The following HYDIN variants were observed in gnomAD, a reference collection of about 807,000 sequenced individuals.
HYDIN encodes HYDIN axonemal central pair apparatus protein, also known as axonemal central pair apparatus protein HYDIN.
HYDIN carries 132 observed loss-of-function variants against 403.9 expected under a neutral mutation model. The ratio of observed to expected loss-of-function variants is 0.33; its 90% CI spans 0.28 to 0.38. HYDIN has a LOEUF of 0.38. HYDIN is among the 10% of genes least tolerant of loss of function. The probability of loss-of-function intolerance (pLI) is 1.00; values close to 1 mark genes in which losing one functional copy is unlikely to be tolerated. For synonymous variants in HYDIN, 1,202 were observed against 1,891.7 expected (o/e 0.64, Z 9.46); for missense variants, 2,827 against 5,009.5 (o/e 0.56, Z 13.15).
At position 70,839,935 on chromosome 16, in the gene HYDIN, C is replaced by T. The variant is rs2037700556; in HGVS notation, c.13043+129G>A. 5.1e-6 allele frequency: 3 copies of T among 592,492 alleles called. No individual in the cohort carries two copies. The Admixed American group carries it at 9.1e-5, about 18-fold the overall frequency. The allele number at this position is 592,492 out of a possible 1,614,324, so 36.7% of individuals were successfully genotyped here. A position where few individuals can be genotyped will look rare whatever the true frequency, so the allele number is the denominator to read the frequency against. ...GGGACAGGGACCTAGGATTCATACC[C>T]ACTTTTGTTTGACTCTTTCCCATAA... On this transcript the variant is annotated intron_variant, in intron 76 of 85. Coordinates refer to ENST00000393567, the MANE Select transcript of HYDIN (RefSeq NM_001270974.2).
At chr16:71,125,565 AG>A (rs1024413698) in intron 9 of HYDIN, among the ~76,000 whole-genome samples, 1 of 152,078 alleles carries the variant, frequency 6.6e-6, no homozygotes, top group Non-Finnish European at 1.5e-5. Flanking sequence ...ACTGAAGCCA[AG>A]GAAGATCAAA....
chr16:71,205,877 G>C (rs2088272125), intron 1 of HYDIN, among the ~76,000 whole-genome samples: 1 of 152,182 alleles, frequency 6.6e-6, no homozygotes, highest in Non-Finnish European at 1.5e-5. Flanking sequence ...GCTTCTGTGT[G>C]AACTCAGCTA....
chr16:70,867,134 T>A, intron 66 of HYDIN, among the ~76,000 whole-genome samples: 1 of 134,496 alleles, frequency 7.4e-6, no homozygotes, highest in African/African-American at 2.8e-5. Flanking sequence ...TCACACAAAA[T>A]ATAAGTATCA....
chr16:71,085,571 AT>A (rs2082908677), intron 12 of HYDIN, among the ~76,000 whole-genome samples: 1 of 151,944 alleles, frequency 6.6e-6, no homozygotes, highest in Non-Finnish European at 1.5e-5. Flanking sequence ...ATCCCCTACT[AT>A]TTTGCTGAAT....
rs1345831845 is a variant in HYDIN, at chr16:71,130,548, C to T, written c.1044-725G>A. ...CAGGCCGGACTGCGGACTGCAGTGG[C>T]GCAATCTCGGCTCACTGCAAGCTCC... is the stretch of plus-strand genomic sequence containing the variant. On this transcript the variant is annotated intron_variant, in intron 8 of 85. Coordinates refer to ENST00000393567, the MANE Select transcript of HYDIN (RefSeq NM_001270974.2). 8.5e-5 allele frequency among the ~76,000 whole-genome samples: 11 copies of T among 130,106 alleles called. No homozygotes were observed. The East Asian group carries it at 2.3e-3, about 27-fold the overall frequency. The allele number at this position is 130,106 out of a possible 152,430, so 85.4% of individuals were successfully genotyped here.
In HYDIN at chr16:70,920,571, C is replaced by A. The variant is rs771449201; in HGVS notation, c.7785+20G>T. Reference sequence around the variant, plus strand: ...TGCTGCCTGACTTGAGACTTCCCCACCCTGGAGGAGAGTCCATACCTGCTC... The same window carrying A: ...TGCTGCCTGACTTGAGACTTCCCCAACCTGGAGGAGAGTCCATACCTGCTC... On this transcript the variant is annotated intron_variant, in intron 46 of 85. Transcript: ENST00000393567. 1 of 1,579,770 alleles carries A rather than the reference C, an allele frequency of 6.3e-7. No individual in the cohort carries two copies. The highest frequency in any genetic ancestry group is 2.2e-5 in the East Asian group (1 of 44,574).
intron 5 of HYDIN, 76 bp downstream of exon 5, chr16:71,175,531 C>G: frequency 1.4e-6 from 2 of 1,480,172 alleles, no homozygotes; most frequent in Non-Finnish European, 1.9e-6. Context: ...CCAGCACTAC[C>G]GCCTCTGTAA....
intron 8 of HYDIN, chr16:71,132,653 G>T (rs16964541): frequency 7.2e-6 from 1 of 139,448 alleles, no homozygotes; most frequent in African/African-American, 2.8e-5. Context: ...AGGAGTATGA[G>T]AAATGCAATC....
intron 28 of HYDIN, among the ~76,000 whole-genome samples, chr16:70,984,636 T>C (rs1323612417): frequency 6.7e-6 from 1 of 148,216 alleles, no homozygotes; most frequent in Admixed American, 6.8e-5. Context: ...CTCATTATCT[T>C]TGGATTTACA....
chr16:71,188,074 C>A (rs1415811754), intron 1 of HYDIN, among the ~76,000 whole-genome samples: 1 of 152,202 alleles, frequency 6.6e-6, no homozygotes, highest in Non-Finnish European at 1.5e-5. Context: ...TAGCCCCACC[C>A]TTAACCACAA....
At position 71,030,435 on chromosome 16, in the gene HYDIN, CT is replaced by C. The variant is rs74603771; in HGVS notation, c.2768+1243del. On this transcript the variant is annotated intron_variant, in intron 19 of 85. Coordinates refer to ENST00000393567, the MANE Select transcript of HYDIN (RefSeq NM_001270974.2). The stretch of plus-strand genomic sequence containing the variant: ...TGTGTGTGTTGTTCTTCTTTTCTTT[CT>C]TTTTTTTTTTTTTTAAGACAGGGTC... 7.3e-3 allele frequency among the ~76,000 whole-genome samples: 942 copies of C among 128,224 alleles called. 5 individuals are homozygous for C. Among genetic ancestry groups the C allele is most frequent in the African/African-American group, 0.011 (408 of 35,666 alleles). The allele number at this position is 128,224 out of a possible 152,430, so 84.1% of individuals were successfully genotyped here. A position where few individuals can be genotyped will look rare whatever the true frequency, so the allele number is the denominator to read the frequency against.
In HYDIN at chr16:70,978,961, G is replaced by A. The variant is rs1390235161; in HGVS notation, c.4591C>T (p.His1531Tyr). Residue 1531 changes from histidine to tyrosine, a missense_variant, in exon 30 of 86, where the codon CAC becomes TAC. Transcript: ENST00000393567. ...KEYNKCEMLD[H>Y]FDIITEEVPE... Reference sequence around the variant, plus strand: ...ACTTCCTCAGTTATTATGTCAAAGTGATCGAGCATTTCACATTTGTTATAC... The same window carrying A: ...ACTTCCTCAGTTATTATGTCAAAGTAATCGAGCATTTCACATTTGTTATAC... The A allele has an allele frequency of 5.0e-6, 8 of 1,613,914 alleles. No individual in the cohort carries two copies. Among genetic ancestry groups the A allele is most frequent in the African/African-American group, 1.3e-5 (1 of 74,876 alleles).
intron 20 of HYDIN, among the ~76,000 whole-genome samples, chr16:71,026,701 C>A (rs2080714254): frequency 6.6e-6 from 1 of 152,208 alleles, no homozygotes; most frequent in South Asian, 2.1e-4. Context: ...TTTTGTTGAA[C>A]TGAGGATGCG....
At position 71,230,449 on chromosome 16, in the gene HYDIN, T is replaced by C. The variant is rs570767833; in HGVS notation, c.-24+113A>G. 6 of 1,300,932 alleles carry C rather than the reference T, an allele frequency of 4.6e-6. No individual in the cohort carries two copies. In the Admixed American group the frequency reaches 1.4e-4, roughly 30 times the overall value. The allele number at this position is 1,300,932 out of a possible 1,614,324, so 80.6% of individuals were successfully genotyped here. ...CTGAGGAGGGGAGGGGTCTGGAAAG[T>C]CTGGAGAACGCCTGGGACGCAGGGC... is the stretch of plus-strand genomic sequence containing the variant. On this transcript the variant is annotated intron_variant, in intron 1 of 85. Coordinates refer to ENST00000393567, the MANE Select transcript of HYDIN (RefSeq NM_001270974.2).
At chr16:71,190,958 T>C (rs1366113129) in intron 1 of HYDIN, among the ~76,000 whole-genome samples, 3 of 151,992 alleles carry the variant, frequency 2.0e-5, no homozygotes, top group Non-Finnish European at 2.9e-5. Context: ...ACAATAAACA[T>C]AGCATGAAAG....
intron 16 of HYDIN, among the ~76,000 whole-genome samples, chr16:71,063,383 T>C (rs866134428): frequency 2.6e-5 from 4 of 152,284 alleles, no homozygotes; most frequent in African/African-American, 2.4e-5. Context: ...TTGTTTATTA[T>C]GGATTTTTTG....
At chr16:70,886,254 TAC>T (rs2041128792) in intron 58 of HYDIN, among the ~76,000 whole-genome samples, 1 of 151,676 alleles carries the variant, frequency 6.6e-6, no homozygotes, top group African/African-American at 2.4e-5. Flanking sequence ...TCAGTTATAG[TAC>T]ACGCACCTCA....
intron 9 of HYDIN, among the ~76,000 whole-genome samples, chr16:71,119,926 T>C (rs1274221242): frequency 3.3e-5 from 5 of 152,034 alleles, no homozygotes; most frequent in African/African-American, 1.2e-4. Flanking sequence ...TTCCATGTCA[T>C]TTATGTCTCT....
At chr16:70,920,465 G>C in intron 46 of HYDIN, 126 bp downstream of exon 46, 1 of 628,782 alleles carries the variant, frequency 1.6e-6, no homozygotes, top group South Asian at 2.2e-5. Context: ...TAATTCCAAG[G>C]GGGCATTAGA....
Sources: gnomAD v4.1 joint callset for allele counts (sites outside exome capture counted in the v4.1 genomes callset) on GRCh38, gnomAD v4.1.1 for gene constraint, MANE v1.5 for transcripts, NCBI Gene and HGNC (gene_info 2026-07-23, HGNC 2026-07-21) for gene names.